STARD13: variants seen among roughly 807,000 people sequenced by gnomAD.
STARD13 encodes the protein StAR related lipid transfer domain containing 13, also known as stAR-related lipid transfer protein 13.
STARD13 carries 62 observed loss-of-function variants against 106.4 expected under a neutral mutation model. The ratio of observed to expected loss-of-function variants is 0.58; its 90% CI spans 0.48 to 0.72. STARD13 has a LOEUF of 0.72. Ranked by LOEUF, STARD13 falls within the 30% of genes least tolerant of loss-of-function variation. The probability of loss-of-function intolerance (pLI) is 0.00; values close to 1 mark genes in which losing one functional copy is unlikely to be tolerated. For synonymous variants in STARD13, 565 were observed against 553.0 expected, an observed-to-expected ratio of 1.02 and a Z score of -0.31; for missense variants, 1,387 against 1,424.0, an observed-to-expected ratio of 0.97 and a Z score of 0.42.
At chr13:33,286,055 A>G (rs866932821), upstream of STARD13, among the ~76,000 whole-genome samples, 1 of 152,130 alleles carries the variant, frequency 6.6e-6, no homozygotes, top group Non-Finnish European at 1.5e-5. Flanking sequence ...TCCAGGGCTC[A>G]GGAAACTTTT....
chr13:33,600,611 T>C, the STARD13 span, among the ~76,000 whole-genome samples: 18 of 152,338 alleles, frequency 1.2e-4, no homozygotes, highest in East Asian at 2.9e-3. Context: ...CTATTCAATT[T>C]GTTAATATTT....
At chr13:33,348,982 C>T (rs1009163553) in exon 2 of STARD13, 1 of 611,510 alleles carries the variant, frequency 1.6e-6, no homozygotes, top group Non-Finnish European at 2.9e-6. Context: ...TTCTGGGCAT[C>T]TTCCCCAGAA....
intron 1 of STARD13, among the ~76,000 whole-genome samples, chr13:33,198,404 G>T (rs372205800): frequency 1.2e-3 from 175 of 152,034 alleles, no homozygotes; most frequent in African/African-American, 3.8e-3. Context: ...TGTCTCCTCT[G>T]CTTGACCCAG....
At chr13:33,667,762 T>A in the STARD13 span, among the ~76,000 whole-genome samples, 1 of 152,376 alleles carries the variant, frequency 6.6e-6, no homozygotes, top group African/African-American at 2.4e-5. Context: ...TGTGGTCTGT[T>A]ACAAAAACAT....
At chr13:33,193,948 AT>A (rs552853775) in intron 1 of STARD13, among the ~76,000 whole-genome samples, 1 of 151,832 alleles carries the variant, frequency 6.6e-6, no homozygotes, top group Admixed American at 6.6e-5. Flanking sequence ...AGGATTATGC[AT>A]TTTTTTTCTT....
upstream of STARD13, among the ~76,000 whole-genome samples, chr13:33,353,088 C>T (rs951635666): frequency 2.0e-5 from 3 of 152,132 alleles, no homozygotes; most frequent in Non-Finnish European, 4.4e-5. Context: ...AGGTACTTTG[C>T]TACATTGGTT....
the STARD13 span, among the ~76,000 whole-genome samples, chr13:33,608,980 G>A: frequency 6.6e-6 from 1 of 151,044 alleles, no homozygotes; most frequent in Admixed American, 6.6e-5. Flanking sequence ...CAGCTACTCG[G>A]GAGGCTGAGG....
At chr13:33,320,830 G>A (rs1250506044) in intron 1 of STARD13, among the ~76,000 whole-genome samples, 1 of 152,066 alleles carries the variant, frequency 6.6e-6, no homozygotes, top group African/African-American at 2.4e-5. Context: ...ATCAACTTCC[G>A]ATGTGTACCA....
chr13:33,118,017 A>C (rs759106391), intron 8 of STARD13, 48 bp downstream of exon 8: 10 of 1,608,746 alleles, frequency 6.2e-6, no homozygotes, highest in Non-Finnish European at 8.5e-6. Context: ...ATTTTCATTA[A>C]AGTGGAAGGA....
At chr13:33,453,846 G>T in the STARD13 span, among the ~76,000 whole-genome samples, 1 of 152,254 alleles carries the variant, frequency 6.6e-6, no homozygotes, top group Non-Finnish European at 1.5e-5. Context: ...CTGAGTTGTT[G>T]CTTCTCTATT....
chr13:33,602,040 T>G, the STARD13 span, among the ~76,000 whole-genome samples: 1 of 151,938 alleles, frequency 6.6e-6, no homozygotes, highest in East Asian at 1.9e-4. Context: ...GGCTCAGCAA[T>G]ACTGGGGATG....
At chr13:33,159,708 G>A (rs959947185) in intron 3 of STARD13, among the ~76,000 whole-genome samples, 1 of 152,102 alleles carries the variant, frequency 6.6e-6, no homozygotes, top group African/African-American at 2.4e-5. Flanking sequence ...TACTAGCAAT[G>A]GGCAACTGAA....
the STARD13 span, among the ~76,000 whole-genome samples, chr13:33,437,714 G>C: frequency 6.6e-6 from 1 of 152,148 alleles, no homozygotes; most frequent in Non-Finnish European, 1.5e-5. Context: ...TTGGAATTAG[G>C]CTTCTATAAT....
the STARD13 span, among the ~76,000 whole-genome samples, chr13:33,557,120 A>G: frequency 2.6e-5 from 4 of 152,224 alleles, no homozygotes; most frequent in African/African-American, 9.6e-5. Flanking sequence ...TCTTCTGTAA[A>G]GAAATCCTTA....
At chr13:33,224,043 T>C (rs562877607) in intron 1 of STARD13, among the ~76,000 whole-genome samples, 91 of 152,278 alleles carry the variant, frequency 6.0e-4, no homozygotes, top group Admixed American at 5.9e-3. Context: ...TAGGCTTGAT[T>C]GAGCCAATAG....
At chr13:33,463,759 A>G in the STARD13 span, among the ~76,000 whole-genome samples, 7 of 152,186 alleles carry the variant, frequency 4.6e-5, no homozygotes, top group African/African-American at 1.7e-4. Flanking sequence ...CATGCCTGTA[A>G]TCCCAGCACT....
the STARD13 span, among the ~76,000 whole-genome samples, chr13:33,396,258 A>G: frequency 6.6e-6 from 1 of 152,206 alleles, no homozygotes; most frequent in Non-Finnish European, 1.5e-5. Flanking sequence ...AGCCTCCCCA[A>G]GTACTGAGAT....
chr13:33,433,732 C>A, the STARD13 span, among the ~76,000 whole-genome samples: 1 of 152,100 alleles, frequency 6.6e-6, no homozygotes, highest in Non-Finnish European at 1.5e-5. Flanking sequence ...ATAATGCTTC[C>A]TTGATTTTAA....
chr13:33,275,169 C>T (rs1891360741), intron 1 of STARD13, among the ~76,000 whole-genome samples: 1 of 152,028 alleles, frequency 6.6e-6, no homozygotes, highest in Non-Finnish European at 1.5e-5. Context: ...TTGGAAAAGG[C>T]AATGGTTTTC....
Sources: allele counts gnomAD v4.1 joint callset (sites outside exome capture counted in the v4.1 genomes callset), GRCh38; gene constraint gnomAD v4.1.1; transcripts MANE v1.5; gene names NCBI Gene and HGNC (gene_info 2026-07-23, HGNC 2026-07-21).